MBD5: variants seen among roughly 807,000 people sequenced by gnomAD.
MBD5 encodes methyl-CpG binding domain protein 5.
In MBD5, 13 loss-of-function variants were observed where a neutral mutation model predicts 117.3. The ratio of observed to expected loss-of-function variants is 0.11; its 90% CI spans 0.07 to 0.18. MBD5 has a LOEUF of 0.18. MBD5 is among the 10% of genes least tolerant of loss of function. The pLI, the probability that MBD5 is intolerant of heterozygous loss-of-function variation, is 1.00. For synonymous variants in MBD5, 727 were observed against 766.4 expected (o/e 0.95, Z 0.85); for missense variants, 1,879 against 2,093.8 (o/e 0.90, Z 2.00).
Position 148,236,570 on chromosome 2 carries a change from C to T in MBD5, c.-680+3175C>T, listed in dbSNP as rs536708668. ...CTGGGCAGTAGGTCTCAACAGCAAACGTAAAATAGTCAGCGAATCATGCTG... is the reference window on the plus strand; with the variant it reads ...CTGGGCAGTAGGTCTCAACAGCAAATGTAAAATAGTCAGCGAATCATGCTG... On this transcript the variant is annotated intron_variant, in intron 3 of 13. Coordinates refer to ENST00000642680, the MANE Select transcript of MBD5 (RefSeq NM_001378120.1). Among the ~76,000 whole-genome samples, 7 of 152,142 alleles carry T rather than the reference C, an allele frequency of 4.6e-5. No homozygotes were observed. In the East Asian group the frequency reaches 7.7e-4, roughly 17 times the overall value.
chr2:148,353,410 G>A (rs531351021), intron 4 of MBD5, among the ~76,000 whole-genome samples: 3 of 151,970 alleles, frequency 2.0e-5, no homozygotes, highest in South Asian at 2.1e-4. Context: ...CCTTTGATAC[G>A]TATCTCTATT....
chr2:148,309,143 T>C (rs1701967064), intron 3 of MBD5, among the ~76,000 whole-genome samples: 2 of 152,220 alleles, frequency 1.3e-5, no homozygotes, highest in African/African-American at 4.8e-5. Context: ...ATGGGCTCTT[T>C]TTTGGTTCCA....
At chr2:148,086,425 G>A (rs962583698) in intron 1 of MBD5, among the ~76,000 whole-genome samples, 3 of 152,054 alleles carry the variant, frequency 2.0e-5, no homozygotes, top group African/African-American at 4.8e-5. Flanking sequence ...TTACATGGTG[G>A]TTATGCATGG....
intron 1 of MBD5, among the ~76,000 whole-genome samples, chr2:148,108,894 A>T (rs1324626351): frequency 6.6e-6 from 1 of 152,234 alleles, no homozygotes; most frequent in Non-Finnish European, 1.5e-5. Context: ...CTAAAGAAGA[A>T]ATGTTGCATG....
At position 148,040,198 on chromosome 2, in the gene MBD5, TAACTA is replaced by T. The variant is rs1341151171; in HGVS notation, c.-925+18517_-925+18521del. Among the ~76,000 whole-genome samples the T allele has an allele frequency of 2.6e-5, 4 of 152,022 alleles. 1 individual carries two copies. Among genetic ancestry groups the T allele is most frequent in the African/African-American group, 9.6e-5 (4 of 41,464 alleles). ...ACCTAAAATAAAAGTTAAAAAGTAATAACTAAATAAATAACAAATAAGCTAGACAT... is the reference window on the plus strand; with the variant it reads ...ACCTAAAATAAAAGTTAAAAAGTAATAATAAATAACAAATAAGCTAGACAT... On this transcript the variant is annotated intron_variant, in intron 1 of 13. Transcript: ENST00000642680.
chr2:148,173,758 A>T (rs1698319376), intron 1 of MBD5, among the ~76,000 whole-genome samples: 2 of 152,218 alleles, frequency 1.3e-5, no homozygotes, highest in South Asian at 4.1e-4. Context: ...AGGTTCACTG[A>T]AAACTAAAAC....
chr2:148,030,835 G>T (rs1444631842), intron 1 of MBD5, among the ~76,000 whole-genome samples: 3 of 152,150 alleles, frequency 2.0e-5, no homozygotes, highest in Non-Finnish European at 2.9e-5. Context: ...ATCTTGAAGA[G>T]AATATAGTAT....
intron 1 of MBD5, among the ~76,000 whole-genome samples, chr2:148,094,056 A>G (rs759351745): frequency 9.8e-5 from 15 of 152,332 alleles, no homozygotes; most frequent in South Asian, 4.1e-4. Flanking sequence ...AGACATGCCC[A>G]TGATCACATG....
At chr2:148,104,371 G>A (rs1696313473) in intron 1 of MBD5, among the ~76,000 whole-genome samples, 4 of 152,086 alleles carry the variant, frequency 2.6e-5, no homozygotes, top group Admixed American at 2.6e-4. Context: ...CATAGAAGAT[G>A]GTGTTTGCAG....
At chr2:148,235,049 A>G (rs1040542540) in intron 3 of MBD5, among the ~76,000 whole-genome samples, 1 of 152,152 alleles carries the variant, frequency 6.6e-6, no homozygotes, top group African/African-American at 2.4e-5. Context: ...CAAGTCCCTT[A>G]TATGAAATAG....
intron 4 of MBD5, among the ~76,000 whole-genome samples, chr2:148,444,539 A>G (rs1023968105): frequency 2.6e-5 from 4 of 151,154 alleles, no homozygotes; most frequent in Non-Finnish European, 4.4e-5. Flanking sequence ...AATGAGTACG[A>G]TATTAGAAAT....
intron 1 of MBD5, among the ~76,000 whole-genome samples, chr2:148,105,848 G>T (rs1378182862): frequency 6.6e-6 from 1 of 151,688 alleles, no homozygotes; most frequent in African/African-American, 2.4e-5. Flanking sequence ...TATTGCTTTT[G>T]CTATATACAA....
chr2:148,505,253 G>T (rs1388690549), intron 12 of MBD5, among the ~76,000 whole-genome samples: 1 of 152,184 alleles, frequency 6.6e-6, no homozygotes. Flanking sequence ...GTTACAGGGG[G>T]AAGCTGTTCA....
At chr2:148,046,297 T>C (rs1461544272) in intron 1 of MBD5, among the ~76,000 whole-genome samples, 2 of 152,200 alleles carry the variant, frequency 1.3e-5, no homozygotes, top group Non-Finnish European at 2.9e-5. Context: ...GAAGGCTTTT[T>C]ATACACTAGT....
chr2:148,354,665 A>T (rs2105258494), intron 4 of MBD5, among the ~76,000 whole-genome samples: 1 of 152,236 alleles, frequency 6.6e-6, no homozygotes, highest in East Asian at 1.9e-4. Flanking sequence ...GGCATTTCCA[A>T]TTCTAGCTCC....
chr2:148,167,996 A>C (rs999585985), intron 1 of MBD5, among the ~76,000 whole-genome samples: 3 of 152,214 alleles, frequency 2.0e-5, no homozygotes, highest in Admixed American at 1.3e-4. Flanking sequence ...ACCTTTTAAA[A>C]AAATCATGAT....
chr2:148,150,623 G>C (rs1399219876), intron 1 of MBD5, among the ~76,000 whole-genome samples: 1 of 151,700 alleles, frequency 6.6e-6, no homozygotes, highest in Non-Finnish European at 1.5e-5. Flanking sequence ...TCCTGGAGCA[G>C]TGGTTTGTAG....
At chr2:148,401,779 T>G (rs974728496) in intron 4 of MBD5, among the ~76,000 whole-genome samples, 1 of 152,172 alleles carries the variant, frequency 6.6e-6, no homozygotes, top group African/African-American at 2.4e-5. Context: ...ATTCCATTAA[T>G]GCACTTTATC....
At chr2:148,440,869 T>C (rs1706298194) in intron 4 of MBD5, among the ~76,000 whole-genome samples, 1 of 151,962 alleles carries the variant, frequency 6.6e-6, no homozygotes, top group South Asian at 2.1e-4. Context: ...GAGAGCAACA[T>C]ATGCGAAGGC....
Sources: allele counts gnomAD v4.1 joint callset (sites outside exome capture counted in the v4.1 genomes callset), GRCh38; gene constraint gnomAD v4.1.1; transcripts MANE v1.5; gene names NCBI Gene and HGNC (gene_info 2026-07-23, HGNC 2026-07-21).